The following SZT2 variants were observed in gnomAD, a reference collection of about 807,000 sequenced individuals.
SZT2 encodes KICSTOR complex protein SZT2.
In SZT2, 216 loss-of-function variants were observed where a neutral mutation model predicts 404.2. The observed-to-expected ratio is 0.53, with a 90% CI of 0.48 to 0.60. The LOEUF is 0.60. SZT2 is among the 20% of genes least tolerant of loss of function. The pLI, the probability that SZT2 is intolerant of heterozygous loss-of-function variation, is 0.00. For missense variants in SZT2, 3,857 were observed against 4,459.2 expected (o/e 0.86, Z 3.85); for synonymous variants, 1,693 against 1,749.9 (o/e 0.97, Z 0.81).
In SZT2 at chr1:43,445,996, T is replaced by C. The variant is rs1434661155; in HGVS notation, c.8916+12T>C. ...ATGGGAGCCCCAAGGTAACTTGTCA[T>C]ATAATGGTAAAGTTACTGATGCTAA... On this transcript the variant is annotated intron_variant, in intron 63 of 71. Transcript: ENST00000634258. The C allele has an allele frequency of 6.2e-7, 1 of 1,613,346 alleles. No homozygotes were observed. Among genetic ancestry groups the C allele is most frequent in the African/African-American group, 1.3e-5 (1 of 74,992 alleles).
intron 28 of SZT2, 195 bp downstream of exon 28, chr1:43,428,681 A>G (rs1653487034): frequency 2.9e-6 from 2 of 679,794 alleles, no homozygotes; most frequent in Admixed American, 6.0e-5. Context: ...TCTCCCTCCC[A>G]GGCTCTCCCC....
chr1:43,406,061 T>C, intron 4 of SZT2: 1 of 156,112 alleles, frequency 6.4e-6, no homozygotes. Flanking sequence ...GGGGCCACAA[T>C]AGAGAAGTCT....
intron 1 of SZT2, among the ~76,000 whole-genome samples, chr1:43,397,562 C>G (rs1649152730): frequency 6.6e-6 from 1 of 150,714 alleles, no homozygotes; most frequent in Non-Finnish European, 1.5e-5. Flanking sequence ...GAGTCTTGCT[C>G]TGTTGCCCAG....
intron 4 of SZT2, among the ~76,000 whole-genome samples, chr1:43,413,525 A>G (rs1379550272): frequency 6.6e-6 from 1 of 152,264 alleles, no homozygotes; most frequent in African/African-American, 2.4e-5. Context: ...AGCACTATTC[A>G]CAATAGACAA....
Position 43,424,491 on chromosome 1 carries a change from G to A in SZT2, c.2471+59G>A. On this transcript the variant is annotated intron_variant, in intron 16 of 71. Coordinates refer to ENST00000634258, the MANE Select transcript of SZT2 (RefSeq NM_001365999.1). The surrounding 1 kb of genome is among the most constrained non-coding windows in gnomAD (Gnocchi z 4.1). ...CAAGGAGAGAGCAAGTGTAGACTGG[G>A]ACACTAGCAAAAAGCCTATAGCACA... 2 of 1,535,500 alleles carry A rather than the reference G, an allele frequency of 1.3e-6. No individual in the cohort carries two copies. The highest frequency in any genetic ancestry group is 1.7e-5 in the Admixed American group (1 of 58,440).
intron 1 of SZT2, among the ~76,000 whole-genome samples, chr1:43,402,636 AAGAACTAGAGGGC>A (rs1359996201): frequency 6.6e-6 from 1 of 152,234 alleles, no homozygotes; most frequent in Admixed American, 6.5e-5. Flanking sequence ...CAATGGAGGC[AAGAACTAGAGGGC>A]TGACAACTGA....
chr1:43,398,440 A>T (rs1649261477), intron 1 of SZT2, among the ~76,000 whole-genome samples: 1 of 152,156 alleles, frequency 6.6e-6, no homozygotes, highest in African/African-American at 2.4e-5. Context: ...TGAGCCCCAA[A>T]CCATCCCTTA....
rs1656238055 is a variant in SZT2, at chr1:43,450,294, A to G, written c.10156-43A>G. On this transcript the variant is annotated intron_variant, in intron 71 of 71. Transcript: ENST00000634258. This position sits in a 1 kb window ranked among gnomAD's most constrained non-coding sequence, Gnocchi z 4.3. The stretch of plus-strand genomic sequence containing the variant: ...TGAGCCCTGCCTCCTATCCCCACCC[A>G]TGCCCTCCTCTCACCAGTGCATCCC... 1 of 1,613,508 alleles carries G rather than the reference A, an allele frequency of 6.2e-7. No individual in the cohort carries two copies.
At chr1:43,417,383 G>C (rs1450005361) in intron 7 of SZT2, among the ~76,000 whole-genome samples, 1 of 152,164 alleles carries the variant, frequency 6.6e-6, no homozygotes, top group African/African-American at 2.4e-5. Context: ...CCAAGTTTTT[G>C]ACTCCAGTGA....
chr1:43,419,741 G>C lies in SZT2; in HGVS notation c.887G>C (p.Gly296Ala). 1.3e-6 allele frequency: 2 copies of C among 1,598,048 alleles called. No homozygotes were observed. The highest frequency in any genetic ancestry group is 1.7e-6 in the Non-Finnish European group (2 of 1,179,618). Residue 296 changes from glycine to alanine, a missense_variant, in exon 8 of 72, where the codon GGA (glycine) becomes GCA (alanine). By Grantham distance (60) the Gly-to-Ala change is moderately conservative. Coordinates refer to ENST00000634258, the MANE Select transcript of SZT2 (RefSeq NM_001365999.1). ...TVACSFVQVGGVYSYDCSFGH... is the reference protein window; with the variant it reads ...TVACSFVQVGAVYSYDCSFGH... ...GTTGCTCACTTTTTCCAGGTGGGAG[G>C]AGTTTACTCTTATGACTGCAGTTTT... is the stretch of plus-strand genomic sequence containing the variant.
rs1227318355 is a variant in SZT2, at chr1:43,448,268, G to A, written c.9753G>A (p.Leu3251=). 2 of 1,572,096 alleles carry A rather than the reference G, an allele frequency of 1.3e-6. No homozygotes were observed. The highest frequency in any genetic ancestry group is 1.4e-5 in the African/African-American group (1 of 73,732). ...APGPAPLFPP[L]AAEVGMARAR... ...GACCGGCTCCTCTGTTCCCACCACT[G>A]GCTGCAGAGGTGGGCATGGCACGAG... Residue 3251 remains leucine (L), a synonymous_variant, in exon 69 of 72, where the codon CTG becomes CTA. Coordinates refer to ENST00000634258, the MANE Select transcript of SZT2 (RefSeq NM_001365999.1). This position sits in a 1 kb window ranked among gnomAD's most constrained non-coding sequence, Gnocchi z 4.2.
In SZT2 at chr1:43,430,640, A is replaced by C. The variant is rs1464951029; in HGVS notation, c.4625A>C (p.Asp1542Ala). The C allele has an allele frequency of 1.2e-6, 2 of 1,613,308 alleles. No individual in the cohort carries two copies. The highest frequency in any genetic ancestry group is 1.7e-6 in the Non-Finnish European group (2 of 1,179,806). Reference protein sequence around the residue: ...SDVDTVNPDEDSFSILGGDSP... With the variant: ...SDVDTVNPDEASFSILGGDSP... The stretch of plus-strand genomic sequence containing the variant: ...GTAGACACTGTGAATCCTGATGAAG[A>C]CTCCTTCAGTATCTTGGGGGGCGAC... Residue 1542 changes from aspartate to alanine, a missense_variant, in exon 32 of 72, where the codon GAC becomes GCC. Physicochemically the swap from Asp to Ala is moderately radical, Grantham distance 126. Coordinates refer to ENST00000634258, the MANE Select transcript of SZT2 (RefSeq NM_001365999.1).
chr1:43,399,365 A>G (rs183845516), intron 1 of SZT2, among the ~76,000 whole-genome samples: 1 of 151,952 alleles, frequency 6.6e-6, no homozygotes, highest in African/African-American at 2.4e-5. Context: ...AGTTCACAGA[A>G]TGGCTACTTT....
chr1:43,403,492 T>C (rs1474456428), intron 2 of SZT2, 109 bp from the exon 3 acceptor site: 2 of 1,422,052 alleles, frequency 1.4e-6, no homozygotes, highest in East Asian at 2.4e-5. Context: ...TACGGTTAGA[T>C]TGAGGGAGGT....
chr1:43,434,288 C>A, intron 40 of SZT2, 98 bp from the exon 41 acceptor site: 1 of 1,050,776 alleles, frequency 9.5e-7, no homozygotes, highest in African/African-American at 1.6e-5. Flanking sequence ...CTCTCCCCCT[C>A]GTGATACGTA....
rs1357969591 is a variant in SZT2, at chr1:43,403,588, T to A, written c.154-13T>A. The stretch of plus-strand genomic sequence containing the variant: ...CGCTGATCCTTTCCTTTTCTTTCCA[T>A]CCTAATTTTCAGCTTCAGTCTGAAC... On this transcript the variant is annotated splice_polypyrimidine_tract_variant and intron_variant, in intron 2 of 71. Transcript: ENST00000634258. 1 of 1,604,588 alleles carries A rather than the reference T, an allele frequency of 6.2e-7. No individual in the cohort carries two copies. Among genetic ancestry groups the A allele is most frequent in the Non-Finnish European group, 8.5e-7 (1 of 1,171,964 alleles).
At chr1:43,397,669 A>G (rs1570543628) in intron 1 of SZT2, among the ~76,000 whole-genome samples, 1 of 151,956 alleles carries the variant, frequency 6.6e-6, no homozygotes, top group East Asian at 2.0e-4. Flanking sequence ...CTGGGACTAC[A>G]GATGTGCTCC....
intron 1 of SZT2, 27 bp from the exon 2 acceptor site, chr1:43,403,150 G>A (rs1362152797): frequency 1.2e-6 from 2 of 1,611,682 alleles, no homozygotes; most frequent in South Asian, 1.1e-5. Context: ...ATTTTTTAAA[G>A]ATGTATTAAT....
At position 43,452,963 on chromosome 1, in the gene SZT2, C is replaced by T. The variant is rs533495534; in HGVS notation, c.*2483C>T. 2 of 1,609,772 alleles carry T rather than the reference C, an allele frequency of 1.2e-6. No individual in the cohort carries two copies. The highest frequency in any genetic ancestry group is 2.2e-5 in the East Asian group (1 of 44,800). ...GCCTCCTCTTGCCACAGCACCCTTGCAAGGAACACTCAACTTCCTGCCCAT... is the reference window on the plus strand; with the variant it reads ...GCCTCCTCTTGCCACAGCACCCTTGTAAGGAACACTCAACTTCCTGCCCAT... On this transcript the variant is annotated 3_prime_UTR_variant, in exon 72 of 72. Transcript: ENST00000634258.
Sources: allele counts gnomAD v4.1 joint callset (sites outside exome capture counted in the v4.1 genomes callset), GRCh38; gene constraint gnomAD v4.1.1; non-coding constraint Gnocchi (gnomAD v3.1); transcripts MANE v1.5; gene names NCBI Gene and HGNC (gene_info 2026-07-23, HGNC 2026-07-21).